Variants in MYRFL observed in about 807,000 individuals in gnomAD.
MYRFL encodes the protein myelin regulatory factor-like protein.
In MYRFL, 88 loss-of-function variants were observed where a neutral mutation model predicts 109.4. That is an observed-to-expected ratio of 0.80 (90% confidence interval 0.68 to 0.96). The LOEUF (loss-of-function observed/expected upper bound fraction) is 0.96. Ranked by LOEUF, MYRFL falls within the 40% of genes least tolerant of loss-of-function variation. MYRFL has a pLI of 0.00. For synonymous variants in MYRFL, 324 were observed against 320.9 expected (o/e 1.01, Z -0.10); for missense variants, 957 against 954.9 (o/e 1.00, Z -0.03).
intron 15 of MYRFL, among the ~76,000 whole-genome samples, chr12:69,931,627 A>G (rs1468186732): frequency 7.1e-6 from 1 of 140,714 alleles, no homozygotes; most frequent in Non-Finnish European, 1.6e-5. Context: ...TAATACCCTA[A>G]TAACCAAAAG....
chr12:69,829,327 C>T (rs1466894432), intron 1 of MYRFL, among the ~76,000 whole-genome samples: 1 of 152,104 alleles, frequency 6.6e-6, no homozygotes, highest in Non-Finnish European at 1.5e-5. Context: ...AAGGCAGAAA[C>T]ATCTGCTGTC....
intron 13 of MYRFL, among the ~76,000 whole-genome samples, chr12:69,916,100 A>AT (rs1002063775): frequency 4.6e-5 from 7 of 151,458 alleles, no homozygotes; most frequent in African/African-American, 1.7e-4. Flanking sequence ...CATTGATTCT[A>AT]TTTTTTTTAA....
intron 2 of MYRFL, among the ~76,000 whole-genome samples, chr12:69,869,893 T>C (rs1885239183): frequency 6.6e-6 from 1 of 152,172 alleles, no homozygotes; most frequent in East Asian, 1.9e-4. Flanking sequence ...ATATATGTCA[T>C]GGATGTACAT....
intron 15 of MYRFL, among the ~76,000 whole-genome samples, chr12:69,930,664 A>G (rs961617037): frequency 6.6e-6 from 1 of 152,038 alleles, no homozygotes. Context: ...ACAAAAAATT[A>G]AAAAATTAAC....
At chr12:69,891,597 CTTTCTTTCTCTT>C (rs1432684824) in intron 7 of MYRFL, among the ~76,000 whole-genome samples, 1 of 137,518 alleles carries the variant, frequency 7.3e-6, no homozygotes, top group African/African-American at 3.0e-5. Context: ...TTCTTTCTTT[CTTTCTTTCTCTT>C]TCTTTCTTTC....
At chr12:69,939,162 A>G (rs974595387) in intron 19 of MYRFL, among the ~76,000 whole-genome samples, 3 of 152,216 alleles carry the variant, frequency 2.0e-5, no homozygotes, top group South Asian at 2.1e-4. Context: ...CAAAGCAACC[A>G]GGAAGCTCGA....
At chr12:69,865,369 T>G (rs773100390) in intron 2 of MYRFL, among the ~76,000 whole-genome samples, 10 of 152,174 alleles carry the variant, frequency 6.6e-5, no homozygotes, top group Non-Finnish European at 1.5e-4. Context: ...CTTTGTAGCA[T>G]TGCTTCTTCC....
intron 7 of MYRFL, among the ~76,000 whole-genome samples, chr12:69,892,010 A>G (rs1270370614): frequency 6.6e-6 from 1 of 152,154 alleles, no homozygotes; most frequent in East Asian, 1.9e-4. Context: ...GGCTCAGAAA[A>G]TGGCACGGCA....
At chr12:69,931,464 A>G (rs1204504270) in intron 15 of MYRFL, among the ~76,000 whole-genome samples, 1 of 152,192 alleles carries the variant, frequency 6.6e-6, no homozygotes, top group Non-Finnish European at 1.5e-5. Flanking sequence ...AGTGAATCCT[A>G]TGCCCCTACC....
chr12:69,837,789 C>T (rs1188952918), intron 1 of MYRFL, among the ~76,000 whole-genome samples: 1 of 152,146 alleles, frequency 6.6e-6, no homozygotes, highest in Non-Finnish European at 1.5e-5. Flanking sequence ...GCGTCATTCC[C>T]TCAGGGGCTC....
At position 69,910,921 on chromosome 12, in the gene MYRFL, G is replaced by C. The variant is rs1954547287; in HGVS notation, c.1593G>C (p.Met531Ile). The change falls in exon 13 of 25, where the codon ATG becomes ATC. Residue 531 changes from methionine (M) to isoleucine (I), a missense_variant. By Grantham distance (10) the Met-to-Ile change is conservative. Transcript: ENST00000552032. ...GAGAGACCTTGGAGAACTTCCTCAT[G>C]GTGGATAAGGTAATCACTGAAAAGA... ...GNGETLENFL[M>I]VDKDQIFMEN... 2 of 1,532,616 alleles carry C rather than the reference G, an allele frequency of 1.3e-6. No homozygotes were observed. Among genetic ancestry groups the C allele is most frequent in the Admixed American group, 3.9e-5 (2 of 50,926 alleles). The allele number at this position is 1,532,616 out of a possible 1,614,324, so 94.9% of individuals were successfully genotyped here.
At chr12:69,846,679 G>C (rs1294864897) in intron 1 of MYRFL, among the ~76,000 whole-genome samples, 2 of 152,100 alleles carry the variant, frequency 1.3e-5, no homozygotes, top group African/African-American at 2.4e-5. Context: ...TGTCTTTATA[G>C]CAGCATGATT....
chr12:69,937,636 A>G (rs1408537230), intron 19 of MYRFL, among the ~76,000 whole-genome samples: 2 of 152,222 alleles, frequency 1.3e-5, no homozygotes, highest in East Asian at 3.8e-4. Context: ...TTCATTGGCC[A>G]AAGCAAGTCA....
chr12:69,940,096 G>A (rs932155069), intron 19 of MYRFL, among the ~76,000 whole-genome samples: 3 of 151,698 alleles, frequency 2.0e-5, no homozygotes, highest in African/African-American at 7.3e-5. Context: ...TGAAAGTGAT[G>A]GGGAGAATGG....
At chr12:69,868,993 C>T (rs1340482326) in intron 2 of MYRFL, among the ~76,000 whole-genome samples, 2 of 152,190 alleles carry the variant, frequency 1.3e-5, no homozygotes, top group Non-Finnish European at 2.9e-5. Context: ...CACACATGCA[C>T]ACACACATGC....
Position 69,910,843 on chromosome 12 carries a change from A to C in MYRFL, c.1515A>C (p.Gln505His). Residue 505 changes from glutamine to histidine, a missense_variant, in exon 13 of 25, where the codon CAA (glutamine) becomes CAC (histidine). By Grantham distance (24) the Gln-to-His change is conservative. Transcript: ENST00000552032. ...CAGGAATGATTGCCCAGGAGGTGCA[A>C]GAAATCCTGCCCAGAGCAGTAAGAG... ...HQTGMIAQEV[Q>H]EILPRAVREV... 1.3e-6 allele frequency: 2 copies of C among 1,535,248 alleles called. No homozygotes were observed. The highest frequency in any genetic ancestry group is 1.7e-6 in the Non-Finnish European group (2 of 1,146,286).
rs755250744 is a variant in MYRFL at position 69,879,381 on chromosome 12, T to C, written c.392T>C (p.Leu131Pro). ...AACGCCAGTCATCTTGCCACCCCCC[T>C]GGACCAATCCGTGTCCTCCCATCTG... ...HSNASHLATP[L>P]DQSVSSHLGI... The change falls in exon 4 of 25, where the codon CTG (leucine) becomes CCG (proline). Residue 131 changes from leucine to proline, a missense_variant. Physicochemically the swap from Leu to Pro is moderately conservative, Grantham distance 98. Coordinates refer to ENST00000552032, the MANE Select transcript of MYRFL (RefSeq NM_182530.3). 2 of 702,904 alleles carry C rather than the reference T, an allele frequency of 2.8e-6. No homozygotes were observed. The highest frequency in any genetic ancestry group is 4.0e-5 in the Admixed American group (2 of 50,004). The allele number at this position is 702,904 out of a possible 1,614,324, so 43.5% of individuals were successfully genotyped here.
intron 1 of MYRFL, among the ~76,000 whole-genome samples, chr12:69,846,104 A>ACC (rs1317866261): frequency 1.7e-4 from 9 of 52,308 alleles, no homozygotes; most frequent in Non-Finnish European, 3.1e-4. Flanking sequence ...GCTATTGACT[A>ACC]TCTTTTTTTT....
intron 19 of MYRFL, among the ~76,000 whole-genome samples, chr12:69,937,123 G>GAA (rs1955493443): frequency 6.6e-6 from 1 of 151,530 alleles, no homozygotes; most frequent in South Asian, 2.1e-4. Context: ...TCCTCCTAGG[G>GAA]ACACACACAC....
Sources: gnomAD v4.1 joint callset for allele counts (sites outside exome capture counted in the v4.1 genomes callset) on GRCh38, gnomAD v4.1.1 for gene constraint, MANE v1.5 for transcripts, NCBI Gene and HGNC (gene_info 2026-07-23, HGNC 2026-07-21) for gene names.